Variants in CFAP77 observed in about 807,000 individuals in gnomAD.
CFAP77 encodes the protein cilia- and flagella-associated protein 77.
CFAP77 carries 25 observed loss-of-function variants against 31.1 expected under a neutral mutation model. The ratio of observed to expected loss-of-function variants is 0.80; its 90% confidence interval spans 0.59 to 1.12. The LOEUF (loss-of-function observed/expected upper bound fraction) is 1.12. Among genes scored for constraint, CFAP77 ranks in the 50% most tolerant of loss-of-function variants. The pLI, the probability that CFAP77 is intolerant of heterozygous loss-of-function variation, is 0.00. For synonymous variants in CFAP77, 151 were observed against 159.9 expected, an observed-to-expected ratio of 0.94 and a Z score of 0.42; for missense variants, 377 against 397.3, an observed-to-expected ratio of 0.95 and a Z score of 0.44.
chr9:132,476,454 C>A (rs116742874), intron 1 of CFAP77, among the ~76,000 whole-genome samples: 12 of 152,052 alleles, frequency 7.9e-5, no homozygotes, highest in African/African-American at 2.9e-4. Context: ...TAGGGGCACA[C>A]AGGTGGTGTC....
intron 1 of CFAP77, among the ~76,000 whole-genome samples, chr9:132,478,387 C>A (rs1314681929): frequency 3.3e-5 from 5 of 152,234 alleles, no homozygotes; most frequent in South Asian, 2.1e-4. Context: ...TGGTTCCCCC[C>A]ATTTGTTCTG....
chr9:132,519,518 G>T (rs62649744), intron 3 of CFAP77, among the ~76,000 whole-genome samples: 1 of 45,154 alleles, frequency 2.2e-5, no homozygotes, highest in African/African-American at 7.7e-5. Context: ...GTGGGTGGGT[G>T]GGTAGATGGA....
At position 132,517,941 on chromosome 9, in the gene CFAP77, T is replaced by C. The variant is rs1852176688; in HGVS notation, c.524+18341T>C. 6.6e-6 allele frequency among the ~76,000 whole-genome samples: 1 copy of C among 152,206 alleles called. No homozygotes were observed. The highest frequency in any genetic ancestry group is 2.4e-5 in the African/African-American group (1 of 41,460). On this transcript the variant is annotated intron_variant, in intron 3 of 5. Coordinates refer to ENST00000393216, the MANE Select transcript of CFAP77 (RefSeq NM_001282957.2). This position sits in a 1 kb window ranked among gnomAD's most constrained non-coding sequence, Gnocchi z 4.7. ...GAGGCCTATCCCAAGTAGGAGCTGA[T>C]TTCATTTCATTCCCCCTTTTTCGCT...
chr9:132,498,929 G>T lies in CFAP77; in HGVS notation c.295+135G>T. 3.0e-6 allele frequency: 2 copies of T among 663,368 alleles called. No individual in the cohort carries two copies. Among genetic ancestry groups the T allele is most frequent in the East Asian group, 5.5e-5 (2 of 36,400 alleles). 41.1% of individuals were successfully genotyped at this position (663,368 alleles called of 1,614,324 possible). A position where few individuals can be genotyped will look rare whatever the true frequency, so the allele number is the denominator to read the frequency against. On this transcript the variant is annotated intron_variant, in intron 2 of 5. Coordinates refer to ENST00000393216, the MANE Select transcript of CFAP77 (RefSeq NM_001282957.2). The surrounding 1 kb of genome is among the most constrained non-coding windows in gnomAD (Gnocchi z 4.2). ...GAAAGACCCAGGGACCGCCAGCCTG[G>T]GCAGCTGACTGGTAAAACCCAGGAA...
At chr9:132,423,635 G>A (rs747738953) in intron 1 of CFAP77, among the ~76,000 whole-genome samples, 15 of 152,314 alleles carry the variant, frequency 9.8e-5, no homozygotes, top group African/African-American at 3.1e-4. Flanking sequence ...GGTCGTAACC[G>A]CTGTGCAGAT....
At chr9:132,559,346 CAAAAAAAA>C (rs35737685) in intron 5 of CFAP77, among the ~76,000 whole-genome samples, 4 of 56,082 alleles carry the variant, frequency 7.1e-5, no homozygotes, top group African/African-American at 1.6e-4. Flanking sequence ...CTCTGTCTTG[CAAAAAAAA>C]AAAAAAAAAA....
Position 132,486,088 on chromosome 9 carries a change from A to ATTTTATTT in CFAP77, c.196-12606_196-12605insTTTATTTT, listed in dbSNP as rs1206340891. On this transcript the variant is annotated intron_variant, in intron 1 of 5. Coordinates refer to ENST00000393216, the MANE Select transcript of CFAP77 (RefSeq NM_001282957.2). ...TGTGTATATATATATATATATATATATATTTTTTTTTTTTTTTTTTTTGAG... is the reference window on the plus strand; with the variant it reads ...TGTGTATATATATATATATATATATATTTTATTTTATTTTTTTTTTTTTTTTTTTTGAG... Among the ~76,000 whole-genome samples the ATTTTATTT allele has an allele frequency of 7.0e-5, 2 of 28,534 alleles. 1 individual carries two copies. Among genetic ancestry groups the ATTTTATTT allele is most frequent in the African/African-American group, 6.8e-4 (2 of 2,960 alleles). 18.7% of individuals were successfully genotyped at this position (28,534 alleles called of 152,430 possible).
intron 3 of CFAP77, among the ~76,000 whole-genome samples, chr9:132,505,040 CAAAAT>C (rs1173779342): frequency 2.0e-5 from 3 of 152,176 alleles, no homozygotes; most frequent in African/African-American, 7.2e-5. Flanking sequence ...AAAACAAAAA[CAAAAT>C]GAGTGTTATT....
intron 1 of CFAP77, among the ~76,000 whole-genome samples, chr9:132,496,531 A>C (rs1371272217): frequency 1.3e-5 from 2 of 152,202 alleles, no homozygotes; most frequent in East Asian, 3.8e-4. Context: ...GCAACCACGA[A>C]GCTACTTTCT....
At chr9:132,425,387 G>A (rs932230109) in intron 1 of CFAP77, among the ~76,000 whole-genome samples, 11 of 151,322 alleles carry the variant, frequency 7.3e-5, no homozygotes, top group African/African-American at 2.2e-4. Flanking sequence ...CTCCAACCTC[G>A]CTCCCCAGTC....
chr9:132,503,144 G>A (rs1354285609), intron 3 of CFAP77, among the ~76,000 whole-genome samples: 3 of 152,146 alleles, frequency 2.0e-5, no homozygotes, highest in African/African-American at 7.2e-5. Flanking sequence ...CTTCGGGGCT[G>A]GATTAATGAA....
chr9:132,558,731 G>T (rs1291410847), intron 5 of CFAP77, among the ~76,000 whole-genome samples: 5 of 148,320 alleles, frequency 3.4e-5, no homozygotes, highest in Non-Finnish European at 5.9e-5. Context: ...ATAAAAATAA[G>T]GACGGGTGCG....
In CFAP77 at chr9:132,490,871, C is replaced by T. The variant is rs772189013; in HGVS notation, c.196-7824C>T. Among the ~76,000 whole-genome samples the T allele has an allele frequency of 1.2e-4, 19 of 152,342 alleles. No homozygotes were observed. Among genetic ancestry groups the T allele is most frequent in the Non-Finnish European group, 2.4e-4 (16 of 68,030 alleles). On this transcript the variant is annotated intron_variant, in intron 1 of 5. Transcript: ENST00000393216. The surrounding 1 kb of genome is among the most constrained non-coding windows in gnomAD (Gnocchi z 4.6). ...ATCAATGTCCGGCCGGGGCCACTGT[C>T]TGCATGGCGTCTGCGTGTTCTCCCC...
Position 132,572,476 on chromosome 9 carries a change from G to T in CFAP77, c.821G>T (p.Gly274Val), listed in dbSNP as rs1227062003. ...AHREECAVRQGTLRMGNYTHP is the reference protein window; with the variant it reads ...AHREECAVRQVTLRMGNYTHP ...CGGGAAGAGTGTGCCGTGCGCCAGG[G>T]GACCCTGCGGATGGGCAACTACACC... The change falls in exon 6 of 6, where the codon GGG becomes GTG. Residue 274 changes from glycine (G) to valine (V), a missense_variant. Transcript: ENST00000393216. 1 of 1,609,406 alleles carries T rather than the reference G, an allele frequency of 6.2e-7. No homozygotes were observed. The highest frequency in any genetic ancestry group is 1.3e-5 in the African/African-American group (1 of 74,918).
chr9:132,486,729 C>T (rs1279523015), intron 1 of CFAP77, among the ~76,000 whole-genome samples: 2 of 152,232 alleles, frequency 1.3e-5, no homozygotes, highest in African/African-American at 2.4e-5. Context: ...CTGCTCGCTG[C>T]CTTCTCCGAG....
At chr9:132,555,266 T>A (rs1458551398) in intron 5 of CFAP77, among the ~76,000 whole-genome samples, 1 of 152,190 alleles carries the variant, frequency 6.6e-6, no homozygotes, top group African/African-American at 2.4e-5. Flanking sequence ...AAAAAAATCC[T>A]TCCTGGTCAT....
At chr9:132,522,257 C>G (rs567439412) in intron 3 of CFAP77, among the ~76,000 whole-genome samples, 2 of 152,274 alleles carry the variant, frequency 1.3e-5, no homozygotes, top group East Asian at 3.9e-4. Flanking sequence ...GCCTTAACTG[C>G]CCTCTCTTTT....
chr9:132,550,519 C>CTTT lies in CFAP77; in HGVS notation c.732+7493_732+7495dup, dbSNP rs766424349. 2.3e-3 allele frequency among the ~76,000 whole-genome samples: 239 copies of CTTT among 102,804 alleles called. 3 individuals carry two copies. Among genetic ancestry groups the CTTT allele is most frequent in the African/African-American group, 3.7e-3 (93 of 25,402 alleles). The allele number at this position is 102,804 out of a possible 152,430, so 67.4% of individuals were successfully genotyped here. A position where few individuals can be genotyped will look rare whatever the true frequency, so the allele number is the denominator to read the frequency against. On this transcript the variant is annotated intron_variant, in intron 5 of 5. Coordinates refer to ENST00000393216, the MANE Select transcript of CFAP77 (RefSeq NM_001282957.2). ...ATCTTCCTCAACATCTCCCTTGAAG[C>CTTT]TTTTTTTTTTTTTTTTTTTTTTTGA...
At chr9:132,568,293 G>A (rs1333339298) in intron 5 of CFAP77, among the ~76,000 whole-genome samples, 4 of 152,178 alleles carry the variant, frequency 2.6e-5, no homozygotes, top group African/African-American at 4.8e-5. Context: ...TGTGGCTAAC[G>A]CCTGTAATCC....
Sources: gnomAD v4.1 joint callset for allele counts (sites outside exome capture counted in the v4.1 genomes callset) on GRCh38, gnomAD v4.1.1 for gene constraint, Gnocchi (gnomAD v3.1) non-coding constraint, MANE v1.5 for transcripts, NCBI Gene and HGNC (gene_info 2026-07-23, HGNC 2026-07-21) for gene names.